ATP2B1: variants seen among roughly 807,000 people sequenced by gnomAD.
The protein encoded by ATP2B1 is ATPase plasma membrane Ca2+ transporting 1.
In ATP2B1, 14 loss-of-function variants were observed where a neutral mutation model predicts 124.2. The ratio of observed to expected loss-of-function variants is 0.11; its 90% CI spans 0.07 to 0.18. The LOEUF (loss-of-function observed/expected upper bound fraction) is 0.18, where lower values mean the gene tolerates loss of function less well. ATP2B1 is among the 10% of genes least tolerant of loss of function. The pLI, the probability that ATP2B1 is intolerant of heterozygous loss-of-function variation, is 1.00. For missense variants in ATP2B1, 763 were observed against 1,466.1 expected (o/e 0.52, Z 7.83); for synonymous variants, 449 against 492.4 (o/e 0.91, Z 1.17).
chr12:89,664,980 ACCACCATAT>A (rs909704776), intron 1 of ATP2B1, among the ~76,000 whole-genome samples: 4 of 151,756 alleles, frequency 2.6e-5, no homozygotes, highest in African/African-American at 9.7e-5. Flanking sequence ...ACAGGCATGC[ACCACCATAT>A]CCAGCTAATT....
Position 89,652,772 on chromosome 12 carries a change from C to G in ATP2B1, c.208+2907G>C, listed in dbSNP as rs548925059. Among the ~76,000 whole-genome samples, 849 of 152,282 alleles carry G rather than the reference C, an allele frequency of 5.6e-3. 11 individuals carry two copies. Among genetic ancestry groups the G allele is most frequent in the Non-Finnish European group, 5.7e-3 (389 of 68,010 alleles). On this transcript the variant is annotated intron_variant, in intron 2 of 20. Transcript: ENST00000428670. The stretch of plus-strand genomic sequence containing the variant: ...TTTATTTTTGAGACAGGGTCTCCCT[C>G]TGTTACCCAGGCTGAGGTGCAGTGG...
chr12:89,629,051 T>C (rs1881410497), intron 6 of ATP2B1, among the ~76,000 whole-genome samples: 1 of 151,866 alleles, frequency 6.6e-6, no homozygotes, highest in African/African-American at 2.4e-5. Context: ...TTCTGGGGAA[T>C]GTTCTAGACT....
chr12:89,686,258 T>C (rs1168667153), intron 1 of ATP2B1, among the ~76,000 whole-genome samples: 2 of 152,110 alleles, frequency 1.3e-5, no homozygotes, highest in East Asian at 3.8e-4. Context: ...ACCAAAAGTA[T>C]ATCCAGCTTA....
intron 19 of ATP2B1, among the ~76,000 whole-genome samples, chr12:89,600,494 T>G (rs1300438886): frequency 2.0e-5 from 3 of 152,186 alleles, no homozygotes; most frequent in Non-Finnish European, 4.4e-5. Flanking sequence ...GCACTTTATT[T>G]CATATATACA....
intron 1 of ATP2B1, among the ~76,000 whole-genome samples, chr12:89,691,329 T>A (rs1890535797): frequency 6.6e-6 from 1 of 152,264 alleles, no homozygotes; most frequent in Middle Eastern, 3.4e-3. Flanking sequence ...AATATTAAAG[T>A]CTATAAGCCA....
In ATP2B1 at chr12:89,626,306, G is replaced by A. The variant is rs1880867430; in HGVS notation, c.1129+148C>T. On this transcript the variant is annotated intron_variant, in intron 8 of 20. Transcript: ENST00000428670. The stretch of plus-strand genomic sequence containing the variant: ...GTACCTATAGTAACTCAAAGGGCCT[G>A]GTGCATTGTAGCTAGAACTGAAAAT... 4 of 860,274 alleles carry A rather than the reference G, an allele frequency of 4.6e-6. No homozygotes were observed. In the South Asian group the frequency reaches 7.6e-5, roughly 16 times the overall value. The allele number at this position is 860,274 out of a possible 1,614,324, so 53.3% of individuals were successfully genotyped here. A position where few individuals can be genotyped will look rare whatever the true frequency, so the allele number is the denominator to read the frequency against.
In ATP2B1 at chr12:89,653,203, C is replaced by G. The variant is rs374486383; in HGVS notation, c.208+2476G>C. Among the ~76,000 whole-genome samples the G allele has an allele frequency of 4.0e-5, 6 of 151,468 alleles. No individual in the cohort carries two copies. In the East Asian group the frequency reaches 5.8e-4, roughly 15 times the overall value. On this transcript the variant is annotated intron_variant, in intron 2 of 20. Coordinates refer to ENST00000428670, the MANE Select transcript of ATP2B1 (RefSeq NM_001366521.1). ...ATACTAGGAAGAACATGAGCAAAAA[C>G]TGTCTACGAATTAGAGAGGGGATAA... is the stretch of plus-strand genomic sequence containing the variant.
At chr12:89,618,060 A>G (rs1050139364) in intron 11 of ATP2B1, among the ~76,000 whole-genome samples, 1 of 152,082 alleles carries the variant, frequency 6.6e-6, no homozygotes, top group Non-Finnish European at 1.5e-5. Flanking sequence ...TGTAATAGCA[A>G]TAGCCTTTTA....
In ATP2B1 at chr12:89,596,489, TACTA is replaced by T. The variant is rs559425491; in HGVS notation, c.3351+2624_3351+2627del. Among the ~76,000 whole-genome samples, 151 of 152,276 alleles carry T rather than the reference TACTA, an allele frequency of 9.9e-4. 1 individual carries two copies. Among genetic ancestry groups the T allele is most frequent in the African/African-American group, 3.5e-3 (144 of 41,562 alleles). On this transcript the variant is annotated intron_variant, in intron 20 of 20. Coordinates refer to ENST00000428670, the MANE Select transcript of ATP2B1 (RefSeq NM_001366521.1). ...TTGGGGGCAACCAGAGAAATCTGAA[TACTA>T]ACTGTCTGTTAGATAATATGGTATC... is the stretch of plus-strand genomic sequence containing the variant.
Position 89,642,206 on chromosome 12 carries a change from C to G in ATP2B1, c.358G>C (p.Val120Leu). 1 of 1,613,774 alleles carries G rather than the reference C, an allele frequency of 6.2e-7. No individual in the cohort carries two copies. Among genetic ancestry groups the G allele is most frequent in the Non-Finnish European group, 8.5e-7 (1 of 1,179,812 alleles). ...TLIILEIAAI[V>L]SLGLSFYQPP... Reference sequence around the variant, plus strand: ...TGATAAAAAGAAAGGCCCAATGATACTATGGCTGCAATTTCTAATATAATT... The same window carrying G: ...TGATAAAAAGAAAGGCCCAATGATAGTATGGCTGCAATTTCTAATATAATT... Residue 120 changes from valine (V) to leucine (L), a missense_variant, in exon 3 of 21, where the codon GTA (valine) becomes CTA (leucine). Transcript: ENST00000428670.
At chr12:89,622,323 T>C (rs530583615) in intron 9 of ATP2B1, among the ~76,000 whole-genome samples, 16 of 151,946 alleles carry the variant, frequency 1.1e-4, no homozygotes, top group African/African-American at 3.6e-4. Flanking sequence ...TTAACTCTGA[T>C]AGAGTTAACA....
chr12:89,620,246 A>C lies in ATP2B1; in HGVS notation c.1588-6T>G. On this transcript the variant is annotated splice_polypyrimidine_tract_variant and splice_region_variant and intron_variant, in intron 10 of 20. Coordinates refer to ENST00000428670, the MANE Select transcript of ATP2B1 (RefSeq NM_001366521.1). ...CCACCCTCTTTCTCTGGTGGCTATAAGAGAAAAACATTTAGTAGCTAGTAT... is the reference window on the plus strand; with the variant it reads ...CCACCCTCTTTCTCTGGTGGCTATACGAGAAAAACATTTAGTAGCTAGTAT... The C allele has an allele frequency of 6.2e-7, 1 of 1,612,760 alleles. No homozygotes were observed. The highest frequency in any genetic ancestry group is 8.5e-7 in the Non-Finnish European group (1 of 1,178,970).
chr12:89,625,004 G>C (rs936715517), intron 8 of ATP2B1, among the ~76,000 whole-genome samples: 1 of 152,188 alleles, frequency 6.6e-6, no homozygotes, highest in African/African-American at 2.4e-5. Context: ...GGGCGCAGTG[G>C]CTCACGCCTG....
intron 1 of ATP2B1, among the ~76,000 whole-genome samples, chr12:89,681,163 CAT>C (rs1470564955): frequency 6.6e-6 from 1 of 151,946 alleles, no homozygotes; most frequent in African/African-American, 2.4e-5. Flanking sequence ...GAAAAGAATG[CAT>C]ATGTTATACA....
intron 20 of ATP2B1, 93 bp downstream of exon 20, chr12:89,599,024 G>A (rs750341357): frequency 2.6e-5 from 37 of 1,416,636 alleles, no homozygotes; most frequent in Non-Finnish European, 3.1e-5. Flanking sequence ...GGGAAGGCTA[G>A]AGAGGAAGTT....
At chr12:89,693,216 G>C (rs1890737605) in intron 1 of ATP2B1, among the ~76,000 whole-genome samples, 1 of 152,154 alleles carries the variant, frequency 6.6e-6, no homozygotes, top group Non-Finnish European at 1.5e-5. Context: ...CTTGAATGAA[G>C]AGTCCTATTT....
chr12:89,708,308 G>A (rs1892760176), intron 1 of ATP2B1, among the ~76,000 whole-genome samples: 1 of 152,074 alleles, frequency 6.6e-6, no homozygotes, highest in East Asian at 1.9e-4. Flanking sequence ...TAGACCAGAA[G>A]CCCCAACAAG....
intron 1 of ATP2B1, among the ~76,000 whole-genome samples, chr12:89,704,183 AAAG>A (rs1331408805): frequency 6.6e-6 from 1 of 152,242 alleles, no homozygotes; most frequent in Non-Finnish European, 1.5e-5. Flanking sequence ...GCAGAAATTT[AAAG>A]AAGAAACTTT....
chr12:89,606,145 T>C (rs1040787313), intron 15 of ATP2B1, among the ~76,000 whole-genome samples: 1 of 152,194 alleles, frequency 6.6e-6, no homozygotes, highest in African/African-American at 2.4e-5. Context: ...ATCTAAATTA[T>C]GATATAACTC....
Sources: allele counts gnomAD v4.1 joint callset (sites outside exome capture counted in the v4.1 genomes callset), GRCh38; gene constraint gnomAD v4.1.1; transcripts MANE v1.5; gene names NCBI Gene and HGNC (gene_info 2026-07-23, HGNC 2026-07-21).